Variants in PID1 observed in about 807,000 individuals in gnomAD.
PID1 encodes PTB-containing, cubilin and LRP1-interacting protein.
In PID1, 10 loss-of-function variants were observed where a neutral mutation model predicts 19.1. The observed-to-expected ratio is 0.52, with a 90% CI of 0.32 to 0.89. The LOEUF (loss-of-function observed/expected upper bound fraction) is 0.89. PID1 is among the 40% of genes least tolerant of loss of function. The probability of loss-of-function intolerance (pLI) is 0.03; values close to 1 mark genes in which losing one functional copy is unlikely to be tolerated. For missense variants in PID1, 248 were observed against 285.3 expected (o/e 0.87, Z 0.94); for synonymous variants, 130 against 116.0 (o/e 1.12, Z -0.78).
intron 2 of PID1, among the ~76,000 whole-genome samples, chr2:229,127,920 G>A (rs996395695): frequency 3.3e-5 from 5 of 152,134 alleles, no homozygotes; most frequent in Non-Finnish European, 7.3e-5. Context: ...CCAAATACCT[G>A]CTCTTTGGCT....
chr2:229,200,686 T>G (rs932410785), intron 1 of PID1, among the ~76,000 whole-genome samples: 12 of 152,074 alleles, frequency 7.9e-5, no homozygotes, highest in African/African-American at 2.9e-4. Flanking sequence ...TTGTTTTTCA[T>G]GATTTAATTT....
chr2:229,080,337 C>G (rs895762948), intron 2 of PID1, among the ~76,000 whole-genome samples: 1 of 152,150 alleles, frequency 6.6e-6, no homozygotes, highest in East Asian at 1.9e-4. Context: ...CCTAACAAAT[C>G]AGGTACCTTT....
intron 2 of PID1, among the ~76,000 whole-genome samples, chr2:229,072,204 T>G (rs1258869950): frequency 6.6e-6 from 1 of 152,186 alleles, no homozygotes; most frequent in South Asian, 2.1e-4. Context: ...AATAATCAAC[T>G]AAGAAAATAA....
chr2:229,114,311 T>C (rs1695368168), intron 2 of PID1, among the ~76,000 whole-genome samples: 2 of 152,044 alleles, frequency 1.3e-5, no homozygotes, highest in Non-Finnish European at 2.9e-5. Context: ...GATACTTCTG[T>C]TCTATTTAAG....
intron 1 of PID1, among the ~76,000 whole-genome samples, chr2:229,211,591 G>A (rs1691734708): frequency 1.3e-5 from 2 of 152,250 alleles, no homozygotes; most frequent in Admixed American, 6.5e-5. Flanking sequence ...TATATACTCT[G>A]CCATTAGCCA....
At position 229,189,228 on chromosome 2, in the gene PID1, A is replaced by C. The variant is rs764267403; in HGVS notation, c.31-33264T>G. ...TGAATCCTCTGCTCACCAAGCATGC[A>C]CACATGGAGCTGCACCCAACCCTAA... On this transcript the variant is annotated intron_variant, in intron 1 of 2. Transcript: ENST00000392055. Among the ~76,000 whole-genome samples the C allele has an allele frequency of 1.3e-5, 2 of 152,184 alleles. 1 individual carries two copies. Among genetic ancestry groups the C allele is most frequent in the Non-Finnish European group, 2.9e-5 (2 of 68,026 alleles).
At chr2:229,269,154 C>T (rs1022857867) in intron 1 of PID1, among the ~76,000 whole-genome samples, 1 of 150,802 alleles carries the variant, frequency 6.6e-6, no homozygotes, top group Non-Finnish European at 1.5e-5. Flanking sequence ...CCAACAGTGA[C>T]TCGGTCTTAT....
chr2:229,191,440 T>C (rs1362145000), intron 1 of PID1, among the ~76,000 whole-genome samples: 4 of 152,188 alleles, frequency 2.6e-5, no homozygotes, highest in Admixed American at 2.6e-4. Context: ...TCCCTTGGCA[T>C]GGCACAGAGC....
intron 1 of PID1, among the ~76,000 whole-genome samples, chr2:229,266,867 C>T (rs1226994476): frequency 1.3e-5 from 2 of 152,218 alleles, no homozygotes; most frequent in Non-Finnish European, 2.9e-5. Flanking sequence ...ATCCTTGCTC[C>T]TTTTGTCAAT....
At chr2:229,232,381 G>A (rs1160966614) in intron 1 of PID1, among the ~76,000 whole-genome samples, 6 of 125,684 alleles carry the variant, frequency 4.8e-5, no homozygotes, top group Non-Finnish European at 7.8e-5. Context: ...GCAGTGAGCC[G>A]AGATCGTGCC....
chr2:229,054,719 T>G (rs918772602), intron 2 of PID1, among the ~76,000 whole-genome samples: 182 of 17,944 alleles, frequency 0.01, 1 homozygote, highest in South Asian at 0.025. Flanking sequence ...TGTGTGTGTG[T>G]GGGGGGGGGG....
At chr2:229,030,394 A>T (rs781738725) in intron 2 of PID1, among the ~76,000 whole-genome samples, 3 of 152,218 alleles carry the variant, frequency 2.0e-5, no homozygotes, top group Non-Finnish European at 4.4e-5. Flanking sequence ...GTGCACTTAA[A>T]AATGGTTAAG....
At chr2:229,173,925 T>C (rs1382272570) in intron 1 of PID1, among the ~76,000 whole-genome samples, 1 of 152,144 alleles carries the variant, frequency 6.6e-6, no homozygotes, top group East Asian at 1.9e-4. Flanking sequence ...GGGGTGGTTG[T>C]TTCCATTTCT....
intron 2 of PID1, among the ~76,000 whole-genome samples, chr2:229,151,227 G>A (rs1162697940): frequency 6.6e-6 from 1 of 152,158 alleles, no homozygotes; most frequent in African/African-American, 2.4e-5. Context: ...TGCCCCACCT[G>A]TTTCAAGAGG....
chr2:229,079,899 G>A (rs1004254767), intron 2 of PID1, among the ~76,000 whole-genome samples: 3 of 152,190 alleles, frequency 2.0e-5, no homozygotes, highest in Non-Finnish European at 4.4e-5. Context: ...TGAGGTTGAA[G>A]CCATGGCAGG....
chr2:229,140,975 A>AT (rs11430214), intron 2 of PID1, among the ~76,000 whole-genome samples: 42,621 of 146,134 alleles, frequency 0.29, 6,145 homozygotes, highest in Non-Finnish European at 0.32. Context: ...CAAATAAACT[A>AT]TTTTTTTTTT....
chr2:229,098,247 C>T (rs935184167), intron 2 of PID1, among the ~76,000 whole-genome samples: 2 of 152,104 alleles, frequency 1.3e-5, no homozygotes, highest in African/African-American at 4.8e-5. Flanking sequence ...TGGCTCATGT[C>T]CTTATTTGTA....
intron 1 of PID1, among the ~76,000 whole-genome samples, chr2:229,170,016 A>C (rs576553817): frequency 3.3e-5 from 5 of 152,144 alleles, no homozygotes; most frequent in Non-Finnish European, 7.4e-5. Flanking sequence ...GCCATACCAG[A>C]TCACTTCCGA....
intron 1 of PID1, among the ~76,000 whole-genome samples, chr2:229,260,817 A>ATTTTTTTTTTTTTTT (rs66533277): frequency 8.7e-6 from 1 of 114,656 alleles, no homozygotes; most frequent in African/African-American, 3.4e-5. Context: ...TCTGATTGCC[A>ATTTTTTTTTTTTTTT]TTTTTTTTTT....
Sources: allele counts gnomAD v4.1 joint callset (sites outside exome capture counted in the v4.1 genomes callset), GRCh38; gene constraint gnomAD v4.1.1; transcripts MANE v1.5; gene names NCBI Gene and HGNC (gene_info 2026-07-23, HGNC 2026-07-21).